KIAA0232: variants seen among roughly 807,000 people sequenced by gnomAD.
KIAA0232 encodes KIAA0232.
KIAA0232 carries 27 observed loss-of-function variants against 122.0 expected under a neutral mutation model. That is an observed-to-expected ratio of 0.22 (90% CI 0.16 to 0.31). The LOEUF (loss-of-function observed/expected upper bound fraction) is 0.31. KIAA0232 is among the 10% of genes least tolerant of loss of function. KIAA0232 has a pLI of 1.00. For missense variants in KIAA0232, 1,551 were observed against 1,634.2 expected, an observed-to-expected ratio of 0.95 and a Z score of 0.88; for synonymous variants, 613 against 587.6, an observed-to-expected ratio of 1.04 and a Z score of -0.63.
At position 6,881,169 on chromosome 4, in the gene KIAA0232, A is replaced by T. The variant is rs968938156; in HGVS notation, c.*203A>T. On this transcript the variant is annotated 3_prime_UTR_variant, in exon 10 of 10. Transcript: ENST00000307659. ...TAAAGATTTTTTTTCCCAGCTGTTA[A>T]ATTCTTGGCTATTTGAAATAGACTA... 2 of 421,214 alleles carry T rather than the reference A, an allele frequency of 4.7e-6. No homozygotes were observed. The highest frequency in any genetic ancestry group is 8.3e-6 in the Non-Finnish European group (2 of 241,620). 26.1% of individuals were successfully genotyped at this position (421,214 alleles called of 1,614,324 possible).
intron 4 of KIAA0232, among the ~76,000 whole-genome samples, chr4:6,851,222 G>T (rs1178265178): frequency 6.6e-6 from 1 of 152,138 alleles, no homozygotes; most frequent in Non-Finnish European, 1.5e-5. Context: ...AAAATAACTG[G>T]TCTAAGTTGT....
intron 1 of KIAA0232, among the ~76,000 whole-genome samples, chr4:6,796,239 A>C (rs1717130009): frequency 6.6e-6 from 1 of 151,850 alleles, no homozygotes; most frequent in Non-Finnish European, 1.5e-5. Context: ...ATCCTTCCCT[A>C]TATTGTTCTT....
At chr4:6,798,155 A>AT (rs768998614) in intron 1 of KIAA0232, among the ~76,000 whole-genome samples, 3 of 152,160 alleles carry the variant, frequency 2.0e-5, no homozygotes, top group Non-Finnish European at 4.4e-5. Context: ...AGCTTTGGAG[A>AT]TAGGGCACAT....
At chr4:6,808,089 C>G (rs1717719007) in intron 2 of KIAA0232, among the ~76,000 whole-genome samples, 2 of 152,004 alleles carry the variant, frequency 1.3e-5, no homozygotes, top group Admixed American at 1.3e-4. Context: ...AAGAAAATAA[C>G]AGACAAGAAT....
intron 2 of KIAA0232, among the ~76,000 whole-genome samples, chr4:6,823,821 A>G (rs1349936000): frequency 6.6e-6 from 1 of 152,120 alleles, no homozygotes; most frequent in African/African-American, 2.4e-5. Flanking sequence ...AAAAGTTCAC[A>G]ATGTTGTTTT....
chr4:6,864,737 C>CAAAAAAAAAAAAA (rs59573520), intron 7 of KIAA0232, among the ~76,000 whole-genome samples: 1 of 70,306 alleles, frequency 1.4e-5, no homozygotes, highest in East Asian at 4.1e-4. Flanking sequence ...GACTCCATCT[C>CAAAAAAAAAAAAA]AAAAAAAAAA....
rs1280254827 is a variant in KIAA0232, at chr4:6,861,719, A to T, written c.1337A>T (p.His446Leu). The T allele has an allele frequency of 3.1e-6, 5 of 1,614,054 alleles. No homozygotes were observed. Among genetic ancestry groups the T allele is most frequent in the Non-Finnish European group, 4.2e-6 (5 of 1,180,040 alleles). Reference sequence around the variant, plus strand: ...GTGGAAGAATTGTCTGAATCAGTGCATGGTCTTTGTATCAGCAACAATAAT... The same window carrying T: ...GTGGAAGAATTGTCTGAATCAGTGCTTGGTCTTTGTATCAGCAACAATAAT... ...EAVEELSESV[H>L]GLCISNNNLH... Residue 446 changes from histidine (H) to leucine (L), a missense_variant, in exon 7 of 10, where the codon CAT becomes CTT. Physicochemically the swap from His to Leu is moderately conservative, Grantham distance 99. Transcript: ENST00000307659.
rs776181560 is a variant in KIAA0232 at position 6,824,549 on chromosome 4, G to C, written c.96G>C (p.Leu32=). The C allele has an allele frequency of 8.7e-6, 14 of 1,614,076 alleles. No individual in the cohort carries two copies. Among genetic ancestry groups the C allele is most frequent in the Non-Finnish European group, 1.1e-5 (13 of 1,180,038 alleles). ...CTGTGTCTGTTTCTGAAATGTCTCT[G>C]CTTCATGCTTTGGGTCCAGTGCAGA... ...PGPVSVSEMS[L]LHALGPVQTW... Residue 32 remains leucine, a synonymous_variant, in exon 3 of 10, where the codon CTG becomes CTC. Coordinates refer to ENST00000307659, the MANE Select transcript of KIAA0232 (RefSeq NM_014743.3).
intron 3 of KIAA0232, among the ~76,000 whole-genome samples, chr4:6,831,683 A>G (rs1718989845): frequency 6.6e-6 from 1 of 152,210 alleles, no homozygotes; most frequent in African/African-American, 2.4e-5. Context: ...CTGGCAACCC[A>G]GAAGCCCCCC....
rs146753584 is a variant in KIAA0232 at position 6,864,070 on chromosome 4, T to G, written c.3688T>G (p.Cys1230Gly). Reference sequence around the variant, plus strand: ...AGATTTAGAAAGCTCAGAAGCAAATTGTAAAATAATGGCACAATGCGAGGA... The same window carrying G: ...AGATTTAGAAAGCTCAGAAGCAAATGGTAAAATAATGGCACAATGCGAGGA... ...EIDLESSEANCKIMAQCEEEI... is the reference protein window; with the variant it reads ...EIDLESSEANGKIMAQCEEEI... Residue 1230 changes from cysteine (C) to glycine (G), a missense_variant, in exon 7 of 10, where the codon TGT (cysteine) becomes GGT (glycine). Around this residue, in one of 5 missense-constraint regions of KIAA0232, gnomAD observed 1,108 missense variants for 1,154.8 expected, o/e 0.96. Transcript: ENST00000307659. 238 of 1,614,160 alleles carry G rather than the reference T, an allele frequency of 1.5e-4. No homozygotes were observed. The African/African-American group carries it at 3.0e-3, about 20-fold the overall frequency.
chr4:6,832,004 C>G (rs1401550746), intron 3 of KIAA0232, among the ~76,000 whole-genome samples: 5 of 152,230 alleles, frequency 3.3e-5, no homozygotes, highest in Non-Finnish European at 7.3e-5. Context: ...ATGCCTGGCA[C>G]CTCAGCAGGG....
intron 4 of KIAA0232, among the ~76,000 whole-genome samples, chr4:6,848,972 C>T (rs1720125049): frequency 6.6e-6 from 1 of 152,144 alleles, no homozygotes. Context: ...GGAGCTGGAG[C>T]ATTTGAGGAC....
intron 2 of KIAA0232, among the ~76,000 whole-genome samples, chr4:6,813,771 T>G (rs1036915130): frequency 1.3e-5 from 2 of 152,062 alleles, no homozygotes; most frequent in Admixed American, 6.5e-5. Context: ...ATTTAAAAAT[T>G]TAGTTAAGTC....
intron 3 of KIAA0232, among the ~76,000 whole-genome samples, chr4:6,829,151 G>A (rs776804435): frequency 3.3e-5 from 5 of 151,918 alleles, no homozygotes; most frequent in Admixed American, 6.6e-5. Context: ...TGGGTTTTTC[G>A]GATATTTCCT....
intron 3 of KIAA0232, among the ~76,000 whole-genome samples, chr4:6,830,164 A>G (rs999055421): frequency 2.0e-5 from 3 of 152,248 alleles, no homozygotes; most frequent in African/African-American, 7.2e-5. Context: ...CTCATTTTCC[A>G]TTCACGGTAA....
chr4:6,792,580 A>G (rs1188927124), intron 1 of KIAA0232, among the ~76,000 whole-genome samples: 1 of 152,032 alleles, frequency 6.6e-6, no homozygotes, highest in Admixed American at 6.6e-5. Flanking sequence ...AAGCTCATAA[A>G]GTTTATAAAG....
chr4:6,809,223 T>G (rs1359974298), intron 2 of KIAA0232, among the ~76,000 whole-genome samples: 1 of 152,244 alleles, frequency 6.6e-6, no homozygotes, highest in Non-Finnish European at 1.5e-5. Context: ...TTCAATAATG[T>G]TAGACTTCAG....
chr4:6,825,472 T>A (rs1718628773), intron 3 of KIAA0232, among the ~76,000 whole-genome samples: 1 of 152,094 alleles, frequency 6.6e-6, no homozygotes, highest in Non-Finnish European at 1.5e-5. Flanking sequence ...GGAGGATCAC[T>A]TGAGCCCAGA....
In KIAA0232 at chr4:6,883,940, T is replaced by G. The variant is rs768275398; in HGVS notation, c.*2974T>G. 1 of 152,176 alleles carries G rather than the reference T, an allele frequency of 6.6e-6. No individual in the cohort carries two copies. Among genetic ancestry groups the G allele is most frequent in the Non-Finnish European group, 1.5e-5 (1 of 68,028 alleles). 9.4% of individuals were successfully genotyped at this position (152,176 alleles called of 1,614,324 possible). On this transcript the variant is annotated 3_prime_UTR_variant, in exon 10 of 10. Coordinates refer to ENST00000307659, the MANE Select transcript of KIAA0232 (RefSeq NM_014743.3). Reference sequence around the variant, plus strand: ...TTCTTCTATAACATCAGAAATAGGTTTTTACTCAGATGTCTTCATGTCGGT... The same window carrying G: ...TTCTTCTATAACATCAGAAATAGGTGTTTACTCAGATGTCTTCATGTCGGT...
Sources: gnomAD v4.1 joint callset for allele counts (sites outside exome capture counted in the v4.1 genomes callset) on GRCh38, gnomAD v4.1.1 for gene constraint, gnomAD v4.1.1 regional missense constraint, MANE v1.5 for transcripts, NCBI Gene and HGNC (gene_info 2026-07-23, HGNC 2026-07-21) for gene names.